AIG1: variants seen among roughly 807,000 people sequenced by gnomAD.
AIG1 encodes the protein androgen-induced gene 1 protein.
A neutral mutation model predicts 31.4 loss-of-function variants in AIG1; 23 were observed. The ratio of observed to expected loss-of-function variants is 0.73; its 90% CI spans 0.53 to 1.04. The LOEUF (loss-of-function observed/expected upper bound fraction) is 1.04, where lower values mean the gene tolerates loss of function less well. Ranked by LOEUF, AIG1 falls within the 50% of genes least tolerant of loss-of-function variation. The pLI is 0.00. For synonymous variants in AIG1, 100 were observed against 110.5 expected, an observed-to-expected ratio of 0.90 and a Z score of 0.60; for missense variants, 274 against 295.0, an observed-to-expected ratio of 0.93 and a Z score of 0.52.
In AIG1 at chr6:143,165,320, T is replaced by C. The variant is rs565575443; in HGVS notation, c.399+137T>C. Reference sequence around the variant, plus strand: ...GAAGGTTATAATGGGAGATTAAAATTAGAGAATACTGTAATATTTACTGAA... The same window carrying C: ...GAAGGTTATAATGGGAGATTAAAATCAGAGAATACTGTAATATTTACTGAA... On this transcript the variant is annotated intron_variant, in intron 3 of 5. Coordinates refer to ENST00000357847, the MANE Select transcript of AIG1 (RefSeq NM_016108.4). The C allele has an allele frequency of 1.4e-4, 91 of 631,278 alleles. 1 individual carries two copies. In the South Asian group the frequency reaches 1.7e-3, roughly 12 times the overall value. 39.1% of individuals were successfully genotyped at this position (631,278 alleles called of 1,614,324 possible). A position where few individuals can be genotyped will look rare whatever the true frequency, so the allele number is the denominator to read the frequency against.
At chr6:143,155,076 C>G (rs1785609862) in intron 2 of AIG1, among the ~76,000 whole-genome samples, 1 of 146,480 alleles carries the variant, frequency 6.8e-6, no homozygotes, top group African/African-American at 2.5e-5. Flanking sequence ...CCAAGCTGGT[C>G]TCGAACTTCT....
In AIG1 at chr6:143,115,620, CA is replaced by C. The variant is rs199884138; in HGVS notation, c.142-21213del. Among the ~76,000 whole-genome samples the C allele has an allele frequency of 5.7e-3, 867 of 152,298 alleles. 10 individuals carry two copies. Among genetic ancestry groups the C allele is most frequent in the African/African-American group, 0.02 (812 of 41,564 alleles). On this transcript the variant is annotated intron_variant, in intron 1 of 5. Transcript: ENST00000357847. ...TCTACCTCTCATAGTTACAGACTCA[CA>C]ATTTGCAAAACGGTGATATCATACG...
At chr6:143,303,627 A>C (rs1799005122) in intron 4 of AIG1, among the ~76,000 whole-genome samples, 2 of 151,022 alleles carry the variant, frequency 1.3e-5, no homozygotes, top group Non-Finnish European at 3.0e-5. Context: ...TGGTTACTGT[A>C]GCCTTGTAGT....
chr6:143,154,011 G>T (rs1785486732), intron 2 of AIG1, among the ~76,000 whole-genome samples: 1 of 151,712 alleles, frequency 6.6e-6, no homozygotes, highest in African/African-American at 2.4e-5. Flanking sequence ...AGCACTTTGG[G>T]AGGCCAAGGC....
At chr6:143,165,798 T>C (rs1786876753) in intron 3 of AIG1, among the ~76,000 whole-genome samples, 1 of 152,228 alleles carries the variant, frequency 6.6e-6, no homozygotes, top group Non-Finnish European at 1.5e-5. Context: ...AGCCATGATG[T>C]TGCCCTCACT....
intron 3 of AIG1, among the ~76,000 whole-genome samples, chr6:143,198,099 C>T (rs1309627094): frequency 6.6e-6 from 1 of 152,066 alleles, no homozygotes; most frequent in Non-Finnish European, 1.5e-5. Context: ...GCAAAGAGAG[C>T]CAAAGGAAAG....
intron 1 of AIG1, among the ~76,000 whole-genome samples, chr6:143,083,379 A>C (rs538784235): frequency 6.6e-6 from 1 of 152,286 alleles, no homozygotes; most frequent in South Asian, 2.1e-4. Flanking sequence ...AAAACAGTCC[A>C]GGTGAGTTGA....
At position 143,327,438 on chromosome 6, in the gene AIG1, C is replaced by T. The variant is rs140123216; in HGVS notation, c.516-5844C>T. ...CTCAAAGAGATCTGGAAATTTGCCACGAAGGAGATGGGAACTCCAGATTTG... is the reference window on the plus strand; with the variant it reads ...CTCAAAGAGATCTGGAAATTTGCCATGAAGGAGATGGGAACTCCAGATTTG... On this transcript the variant is annotated intron_variant, in intron 4 of 5. Coordinates refer to ENST00000357847, the MANE Select transcript of AIG1 (RefSeq NM_016108.4). This position sits in a 1 kb window ranked among gnomAD's most constrained non-coding sequence, Gnocchi z 5.3. 602 of 369,062 alleles carry T rather than the reference C, an allele frequency of 1.6e-3. 7 individuals carry two copies. The highest frequency in any genetic ancestry group is 0.011 in the African/African-American group (527 of 46,496). The allele number at this position is 369,062 out of a possible 1,614,324, so 22.9% of individuals were successfully genotyped here. A position where few individuals can be genotyped will look rare whatever the true frequency, so the allele number is the denominator to read the frequency against.
In AIG1 at chr6:143,329,338, TAA is replaced by T. The variant is rs933043717; in HGVS notation, c.516-3942_516-3941del. 1.3e-5 allele frequency among the ~76,000 whole-genome samples: 2 copies of T among 152,182 alleles called. No homozygotes were observed. Among genetic ancestry groups the T allele is most frequent in the African/African-American group, 4.8e-5 (2 of 41,440 alleles). Reference sequence around the variant, plus strand: ...TCTGATCTCAGTTTCTTTACCTGTTTAAAGAGAATAATCATACCTAATAGGGT... The same window carrying T: ...TCTGATCTCAGTTTCTTTACCTGTTTAGAGAATAATCATACCTAATAGGGT... On this transcript the variant is annotated intron_variant, in intron 4 of 5. Transcript: ENST00000357847. This position sits in a 1 kb window ranked among gnomAD's most constrained non-coding sequence, Gnocchi z 4.9.
chr6:143,286,929 T>C (rs950649864), intron 4 of AIG1, among the ~76,000 whole-genome samples: 1 of 151,784 alleles, frequency 6.6e-6, no homozygotes, highest in South Asian at 2.1e-4. Flanking sequence ...CTGGTTCCCA[T>C]TGAGCTCCCA....
intron 3 of AIG1, among the ~76,000 whole-genome samples, chr6:143,235,623 G>A (rs1793751139): frequency 8.8e-6 from 1 of 114,050 alleles, no homozygotes; most frequent in Non-Finnish European, 1.7e-5. Context: ...TCATTTGTAG[G>A]GGAAGAAGAA....
Position 143,330,774 on chromosome 6 carries a change from G to A in AIG1, c.516-2508G>A, listed in dbSNP as rs1349140922. 6.6e-6 allele frequency among the ~76,000 whole-genome samples: 1 copy of A among 152,128 alleles called. No individual in the cohort carries two copies. Among genetic ancestry groups the A allele is most frequent in the Non-Finnish European group, 1.5e-5 (1 of 68,032 alleles). On this transcript the variant is annotated intron_variant, in intron 4 of 5. Transcript: ENST00000357847. The surrounding 1 kb of genome is among the most constrained non-coding windows in gnomAD (Gnocchi z 4.4). ...TTACAGCTTAATGGTGTTAAATTGGGGGAATATTGCATATTCTCTCCATGG... is the reference window on the plus strand; with the variant it reads ...TTACAGCTTAATGGTGTTAAATTGGAGGAATATTGCATATTCTCTCCATGG...
At chr6:143,287,744 A>C (rs200011519) in intron 4 of AIG1, among the ~76,000 whole-genome samples, 64 of 138,556 alleles carry the variant, frequency 4.6e-4, no homozygotes, top group South Asian at 1.4e-3. Flanking sequence ...CAGTAAAAAA[A>C]AAAAAAAAAA....
chr6:143,232,880 G>T (rs564871691), intron 3 of AIG1, among the ~76,000 whole-genome samples: 71 of 152,302 alleles, frequency 4.7e-4, no homozygotes, highest in African/African-American at 1.7e-3. Flanking sequence ...ATGTGTGGAA[G>T]GTGGTGCAAA....
At chr6:143,267,809 A>G (rs1796255788) in intron 3 of AIG1, among the ~76,000 whole-genome samples, 1 of 152,160 alleles carries the variant, frequency 6.6e-6, no homozygotes, top group Admixed American at 6.5e-5. Flanking sequence ...CCTGGTGAAG[A>G]GATAGAAATG....
At chr6:143,066,728 CT>C (rs1776747070) in intron 1 of AIG1, among the ~76,000 whole-genome samples, 1 of 152,106 alleles carries the variant, frequency 6.6e-6, no homozygotes, top group East Asian at 1.9e-4. Flanking sequence ...TTTAAATAAT[CT>C]TCAGGGCAAC....
rs558773364 is a variant in AIG1 at position 143,268,354 on chromosome 6, G to A, written c.400-15756G>A. On this transcript the variant is annotated intron_variant, in intron 3 of 5. Coordinates refer to ENST00000357847, the MANE Select transcript of AIG1 (RefSeq NM_016108.4). The surrounding 1 kb of genome is among the most constrained non-coding windows in gnomAD (Gnocchi z 5.0). ...ATTGTTCCCTGAGCCTCGAGTCTAC[G>A]GGGACCACAACTAGATGGTCTAACG... Among the ~76,000 whole-genome samples, 118 of 152,188 alleles carry A rather than the reference G, an allele frequency of 7.8e-4. No individual in the cohort carries two copies. Among genetic ancestry groups the A allele is most frequent in the African/African-American group, 2.7e-3 (112 of 41,536 alleles).
At chr6:143,187,734 T>C (rs149250257) in intron 3 of AIG1, 6 of 1,535,840 alleles carry the variant, frequency 3.9e-6, no homozygotes, top group Non-Finnish European at 5.2e-6. Context: ...ACTAAAGGAT[T>C]GACCTGGTGC....
intron 3 of AIG1, among the ~76,000 whole-genome samples, chr6:143,191,797 G>T (rs1789815018): frequency 6.6e-6 from 1 of 152,156 alleles, no homozygotes; most frequent in Admixed American, 6.5e-5. Context: ...CATTTATAAA[G>T]GTAAAACTTT....
Sources: allele counts gnomAD v4.1 joint callset (sites outside exome capture counted in the v4.1 genomes callset), GRCh38; gene constraint gnomAD v4.1.1; non-coding constraint Gnocchi (gnomAD v3.1); transcripts MANE v1.5; gene names NCBI Gene and HGNC (gene_info 2026-07-23, HGNC 2026-07-21).